Variants in WNK3 observed in about 807,000 individuals in gnomAD.
The protein encoded by WNK3 is serine/threonine-protein kinase WNK3.
WNK3 carries 18 observed loss-of-function variants against 116.7 expected under a neutral mutation model. The observed-to-expected ratio is 0.15, with a 90% CI of 0.11 to 0.23. The LOEUF (loss-of-function observed/expected upper bound fraction) is 0.23, where lower values mean the gene tolerates loss of function less well. Among genes scored for constraint, WNK3 ranks in the 10% least tolerant of loss-of-function variants. The probability of loss-of-function intolerance (pLI) is 1.00; values close to 1 mark genes in which losing one functional copy is unlikely to be tolerated. For synonymous variants in WNK3, 404 were observed against 469.4 expected, an observed-to-expected ratio of 0.86 and a Z score of 1.80; for missense variants, 993 against 1,323.8, an observed-to-expected ratio of 0.75 and a Z score of 3.88.
intron 2 of WNK3, among the ~76,000 whole-genome samples, chrX:54,314,693 C>T (rs2068931071): frequency 9.1e-6 from 1 of 110,294 alleles, no homozygotes; most frequent in Non-Finnish European, 1.9e-5. Context: ...CGCTTGAACC[C>T]GGGAGGTCGA....
At chrX:54,288,710 A>T (rs1557164434) in intron 10 of WNK3, among the ~76,000 whole-genome samples, 2 of 111,250 alleles carry the variant, frequency 1.8e-5, no homozygotes, top group African/African-American at 6.5e-5. Context: ...CTTGGGATGG[A>T]GTCGCTGAAA....
In WNK3 at chrX:54,327,974, A is replaced by C. The variant is rs1412190191; in HGVS notation, c.537+5163T>G. ...ACAGAGGGAGACCCTGTCTCAAAAA[A>C]TAAAAAAGAAAAAAAAAAAGAAAAG... On this transcript the variant is annotated intron_variant, in intron 2 of 23. Coordinates refer to ENST00000354646, the Ensembl canonical transcript of WNK3. Among the ~76,000 whole-genome samples, 3 of 109,580 alleles carry C rather than the reference A, an allele frequency of 2.7e-5. No homozygotes were observed. In the Admixed American group the frequency reaches 3.0e-4, roughly 11 times the overall value.
At chrX:54,304,316 G>T (rs782818223) in intron 5 of WNK3, among the ~76,000 whole-genome samples, 32 of 110,110 alleles carry the variant, frequency 2.9e-4, no homozygotes, top group African/African-American at 1.1e-3. Flanking sequence ...GATTGCGTGA[G>T]CCCAGTAGTT....
intron 10 of WNK3, among the ~76,000 whole-genome samples, chrX:54,267,424 T>C (rs1432867167): frequency 1.8e-5 from 2 of 110,053 alleles, no homozygotes; most frequent in East Asian, 5.8e-4. Context: ...CCACAAAAAT[T>C]TGTAAAAAGA....
At chrX:54,353,746 CA>C (rs1305320768) in intron 1 of WNK3, among the ~76,000 whole-genome samples, 18 of 98,403 alleles carry the variant, frequency 1.8e-4, no homozygotes, top group Non-Finnish European at 1.2e-4. Flanking sequence ...GACTCCCTCT[CA>C]AAAAAAAAAA....
intron 13 of WNK3, among the ~76,000 whole-genome samples, chrX:54,253,577 T>C (rs1208258454): frequency 9.6e-6 from 1 of 104,433 alleles, no homozygotes; most frequent in Non-Finnish European, 2.0e-5. Flanking sequence ...AAAAATAAAC[T>C]AAAAAAAAAA....
At position 54,259,346 on chromosome X, in the gene WNK3, C is replaced by T. The variant is rs1461607134; in HGVS notation, c.2038-8G>A. ...AACTGGTTGGGATACAGGCTGTAAA[C>T]AGTACAGACATAAAACTTGCTATGA... On this transcript the variant is annotated splice_polypyrimidine_tract_variant and splice_region_variant and intron_variant, in intron 10 of 23. Coordinates refer to ENST00000354646, the Ensembl canonical transcript of WNK3. 8.8e-7 allele frequency: 1 copy of T among 1,136,326 alleles called. No homozygotes were observed. The highest frequency in any genetic ancestry group is 1.8e-5 in the African/African-American group (1 of 55,457). 93.6% of individuals were successfully genotyped at this position (1,136,326 alleles called of 1,213,427 possible).
chrX:54,229,562 T>C (rs1460361114), intron 21 of WNK3, among the ~76,000 whole-genome samples: 1 of 109,939 alleles, frequency 9.1e-6, no homozygotes, highest in Non-Finnish European at 1.9e-5. Context: ...AAAACAGTTT[T>C]GAAAAAAAAC....
intron 1 of WNK3, among the ~76,000 whole-genome samples, chrX:54,345,391 T>C (rs1210952849): frequency 9.0e-6 from 1 of 110,979 alleles, no homozygotes; most frequent in Admixed American, 9.8e-5. Flanking sequence ...GGCATTTAAA[T>C]ATATTTATCT....
chrX:54,298,316 ATCT>A lies in WNK3; in HGVS notation c.1254_1256del (p.Glu418del), dbSNP rs782584276. On this transcript the variant is annotated inframe_deletion, in exon 7 of 24. Coordinates refer to ENST00000354646, the Ensembl canonical transcript of WNK3. ...AAGCAAGGGATGAATTTGAGCAATC[ATCT>A]TCTTCTGCTAACTCCACCCTCAGTC... 12 of 1,209,295 alleles carry A rather than the reference ATCT, an allele frequency of 9.9e-6. No homozygotes were observed. The African/African-American group carries it at 1.8e-4, about 18-fold the overall frequency.
chrX:54,199,291 T>C (rs924485480), intron 23 of WNK3, among the ~76,000 whole-genome samples: 1 of 110,273 alleles, frequency 9.1e-6, no homozygotes, highest in Non-Finnish European at 1.9e-5. Context: ...CATACATCCA[T>C]TCCATCACCA....
intron 13 of WNK3, among the ~76,000 whole-genome samples, chrX:54,253,418 C>A (rs1189072738): frequency 3.6e-5 from 4 of 110,276 alleles, no homozygotes; most frequent in African/African-American, 1.3e-4. Flanking sequence ...AGTGTGGCCA[C>A]CACATCTGGC....
At chrX:54,357,806 C>CCGCCTCCTCCTCGAT (rs1323027821) in exon 1 of WNK3, 3 of 113,194 alleles carry the variant, frequency 2.7e-5, no homozygotes, top group Non-Finnish European at 5.6e-5. Flanking sequence ...TACACACACA[C>CCGCCTCCTCCTCGAT]CGCCTCCTCC....
chrX:54,199,789 C>A (rs781960664), intron 23 of WNK3, among the ~76,000 whole-genome samples: 4 of 111,796 alleles, frequency 3.6e-5, no homozygotes, highest in Non-Finnish European at 7.5e-5. Flanking sequence ...GCAGAGATCG[C>A]GCCATTGCAC....
At chrX:54,342,857 C>CT (rs782287669) in intron 1 of WNK3, among the ~76,000 whole-genome samples, 142 of 107,307 alleles carry the variant, frequency 1.3e-3, no homozygotes, top group African/African-American at 4.5e-3. Flanking sequence ...TCCTTTTTTT[C>CT]TTTTTTTTGA....
chrX:54,278,095 GAA>G (rs556765360), intron 10 of WNK3, among the ~76,000 whole-genome samples: 4 of 55,578 alleles, frequency 7.2e-5, no homozygotes, highest in African/African-American at 1.4e-4. Flanking sequence ...CCCTGCCTCA[GAA>G]AAAAAAAAAA....
chrX:54,287,778 C>T (rs189026971), intron 10 of WNK3, among the ~76,000 whole-genome samples: 1 of 111,770 alleles, frequency 8.9e-6, no homozygotes, highest in African/African-American at 3.2e-5. Flanking sequence ...GAACAGGGAC[C>T]ATGACTCCCA....
chrX:54,215,401 G>T (rs1345074579), intron 22 of WNK3, among the ~76,000 whole-genome samples: 1 of 112,502 alleles, frequency 8.9e-6, no homozygotes, highest in Non-Finnish European at 1.9e-5. Flanking sequence ...GCGTTGGCCG[G>T]GCTGGTCTCC....
intron 5 of WNK3, among the ~76,000 whole-genome samples, chrX:54,306,291 T>G (rs1397655993): frequency 9.0e-6 from 1 of 111,327 alleles, no homozygotes; most frequent in Non-Finnish European, 1.9e-5. Flanking sequence ...ATTCTACTTC[T>G]TGGTACATAC....
Sources: allele counts gnomAD v4.1 joint callset (sites outside exome capture counted in the v4.1 genomes callset), GRCh38; gene constraint gnomAD v4.1.1; transcripts MANE v1.5; gene names NCBI Gene and HGNC (gene_info 2026-07-23, HGNC 2026-07-21).